OR8G5: variants seen among roughly 807,000 people sequenced by gnomAD.
OR8G5 encodes the protein olfactory receptor 8G5.
For synonymous variants in OR8G5, 147 were observed against 147.7 expected (o/e 1.00, Z 0.03); for missense variants, 347 against 371.9 (o/e 0.93, Z 0.55).
At chr11:124,258,842 A>G (rs1363086126) in intron 1 of OR8G5, among the ~76,000 whole-genome samples, 1 of 152,124 alleles carries the variant, frequency 6.6e-6, no homozygotes, top group Non-Finnish European at 1.5e-5. Context: ...TCCATGGCAC[A>G]TGAGTTGGGA....
intron 1 of OR8G5, among the ~76,000 whole-genome samples, chr11:124,263,939 T>C (rs1417004876): frequency 6.6e-6 from 1 of 152,186 alleles, no homozygotes; most frequent in Non-Finnish European, 1.5e-5. Context: ...TTTAATTGTG[T>C]GTCTCTACTT....
At chr11:124,256,961 T>C (rs1313147976) in intron 1 of OR8G5, among the ~76,000 whole-genome samples, 2 of 152,152 alleles carry the variant, frequency 1.3e-5, no homozygotes, top group Non-Finnish European at 2.9e-5. Flanking sequence ...ATTATTATAG[T>C]TTTGAATGAG....
Position 124,264,898 on chromosome 11 carries a change from G to GT in OR8G5, c.-14-14dup. ...ACAATACAATTCACCTAAATACCAT[G>GT]TTTTTTCTCTCCCCTGCAGAAACTC... On this transcript the variant is annotated intron_variant, in intron 1 of 1. Coordinates refer to ENST00000641992, the MANE Select transcript of OR8G5 (RefSeq NM_001005198.2). 4.3e-6 allele frequency: 7 copies of GT among 1,611,778 alleles called. No homozygotes were observed. The highest frequency in any genetic ancestry group is 5.9e-6 in the Non-Finnish European group (7 of 1,178,246).
In OR8G5 at chr11:124,265,256, A is replaced by C. The variant is rs1052534424; in HGVS notation, c.325A>C (p.Ile109Leu). Residue 109 changes from isoleucine (I) to leucine (L), a missense_variant, in exon 2 of 2, where the codon ATT becomes CTT. Physicochemically the swap from Ile to Leu is conservative, Grantham distance 5. Coordinates refer to ENST00000641992, the MANE Select transcript of OR8G5 (RefSeq NM_001005198.2). ...TQLYFFLVFA[I>L]AECHMLAAMA... ...GCTCTACTTCTTCCTCGTTTTTGCT[A>C]TTGCAGAGTGTCACATGTTGGCTGC... 2 of 1,613,862 alleles carry C rather than the reference A, an allele frequency of 1.2e-6. No homozygotes were observed. The highest frequency in any genetic ancestry group is 4.5e-5 in the East Asian group (2 of 44,882).
chr11:124,264,847 G>A (rs2466637), intron 1 of OR8G5, 71 bp from the exon 2 acceptor site: 809,032 of 1,573,374 alleles, frequency 0.51, 212,768 homozygotes, highest in East Asian at 0.56. Flanking sequence ...ATAAACAAGG[G>A]ATCACTTTCC....
chr11:124,264,656 C>T (rs2466636), intron 1 of OR8G5: 245,495 of 491,336 alleles, frequency 0.5, 63,590 homozygotes, highest in East Asian at 0.55. Context: ...CTTAAAAATA[C>T]TGACTTGAAG....
At chr11:124,264,143 AG>A (rs1176104456) in intron 1 of OR8G5, among the ~76,000 whole-genome samples, 1 of 113,468 alleles carries the variant, frequency 8.8e-6, no homozygotes, top group Non-Finnish European at 2.1e-5. Flanking sequence ...TATTATTAAT[AG>A]GTTAATAATG....
intron 1 of OR8G5, among the ~76,000 whole-genome samples, chr11:124,258,813 C>G (rs1326610914): frequency 6.6e-6 from 1 of 152,054 alleles, no homozygotes; most frequent in Non-Finnish European, 1.5e-5. Context: ...ACTTCAGCAC[C>G]ATTGTAACAC....
chr11:124,257,542 G>A (rs1861925719), intron 1 of OR8G5, among the ~76,000 whole-genome samples: 1 of 152,078 alleles, frequency 6.6e-6, no homozygotes, highest in Non-Finnish European at 1.5e-5. Flanking sequence ...GACAAGTTAT[G>A]GAAGGTGAGG....
intron 1 of OR8G5, among the ~76,000 whole-genome samples, chr11:124,262,567 C>A (rs1861982157): frequency 6.6e-6 from 1 of 151,900 alleles, no homozygotes; most frequent in Admixed American, 6.6e-5. Flanking sequence ...GGTGGAAAAT[C>A]TATTGCAAAG....
chr11:124,265,788 A>T lies in OR8G5; in HGVS notation c.857A>T (p.Asn286Ile). ...TATACTATTGTTGTGCCCATGCTGA[A>T]CCCCCTGATCTACAGCCTGAGGAAT... Reference protein sequence around the residue: ...VFYTIVVPMLNPLIYSLRNKD... With the variant: ...VFYTIVVPMLIPLIYSLRNKD... Residue 286 changes from asparagine to isoleucine, a missense_variant, in exon 2 of 2, where the codon AAC becomes ATC. Transcript: ENST00000641992. The T allele has an allele frequency of 6.2e-7, 1 of 1,614,058 alleles. No individual in the cohort carries two copies. Among genetic ancestry groups the T allele is most frequent in the Non-Finnish European group, 8.5e-7 (1 of 1,179,988 alleles).
chr11:124,261,720 C>T (rs1483921969), intron 1 of OR8G5, among the ~76,000 whole-genome samples: 1 of 151,816 alleles, frequency 6.6e-6, no homozygotes, highest in African/African-American at 2.4e-5. Context: ...ACCTCAATAT[C>T]AGGCAATGTA....
chr11:124,265,766 A>G lies in OR8G5; in HGVS notation c.835A>G (p.Thr279Ala), dbSNP rs2512166. 0.14 allele frequency: 228,439 copies of G among 1,614,018 alleles called. 16,955 individuals are homozygous for G. The highest frequency in any genetic ancestry group is 0.15 in the Non-Finnish European group (182,493 of 1,179,962). The change falls in exon 2 of 2, where the codon ACT (threonine) becomes GCT (alanine). Residue 279 changes from threonine (T) to alanine (A), a missense_variant. Physicochemically the swap from Thr to Ala is moderately conservative, Grantham distance 58. Transcript: ENST00000641992. Reference sequence around the variant, plus strand: ...GGGGAAAGTGTCCTCTGTGTTTTATACTATTGTTGTGCCCATGCTGAACCC... The same window carrying G: ...GGGGAAAGTGTCCTCTGTGTTTTATGCTATTGTTGTGCCCATGCTGAACCC... ...DQGKVSSVFY[T>A]IVVPMLNPLI...
At chr11:124,260,394 A>G (rs1861958076) in intron 1 of OR8G5, among the ~76,000 whole-genome samples, 1 of 151,968 alleles carries the variant, frequency 6.6e-6, no homozygotes. Flanking sequence ...ATCAGAAAAA[A>G]ATAACTAATA....
At chr11:124,260,249 C>T (rs569792338) in intron 1 of OR8G5, among the ~76,000 whole-genome samples, 3 of 151,962 alleles carry the variant, frequency 2.0e-5, no homozygotes, top group African/African-American at 7.2e-5. Context: ...TAAAAAGGAA[C>T]AAAATAATGA....
At chr11:124,256,895 TG>T (rs1229748194) in intron 1 of OR8G5, among the ~76,000 whole-genome samples, 7 of 152,334 alleles carry the variant, frequency 4.6e-5, no homozygotes, top group African/African-American at 1.7e-4. Context: ...TAGAATTTTC[TG>T]AGCATGCAGT....
At chr11:124,256,822 G>T (rs1425820024) in intron 1 of OR8G5, among the ~76,000 whole-genome samples, 188 bp downstream of exon 1, 1 of 152,162 alleles carries the variant, frequency 6.6e-6, no homozygotes, top group African/African-American at 2.4e-5. Context: ...ACAGAAGAGA[G>T]GATGTCTGAT....
In OR8G5 at chr11:124,265,096, G is replaced by A. The variant is rs1196468622; in HGVS notation, c.165G>A (p.Leu55=). 1 of 1,614,010 alleles carries A rather than the reference G, an allele frequency of 6.2e-7. No homozygotes were observed. The highest frequency in any genetic ancestry group is 8.5e-7 in the Non-Finnish European group (1 of 1,180,032). Residue 55 remains leucine (L), a synonymous_variant, in exon 2 of 2, where the codon CTG becomes CTA. Coordinates refer to ENST00000641992, the MANE Select transcript of OR8G5 (RefSeq NM_001005198.2). ...MITLIGLSSH[L]HTPMYCFLSS... is the part of the protein sequence containing the mutation. ...CACTGATTGGGCTCAGTTCTCACCT[G>A]CACACACCTATGTACTGTTTCCTCA... is the stretch of plus-strand genomic sequence containing the variant.
chr11:124,265,865 T>C lies in OR8G5; in HGVS notation c.934T>C (p.Ter312ArgextTer5), dbSNP rs1862025620. The C allele has an allele frequency of 1.2e-6, 2 of 1,604,976 alleles. No individual in the cohort carries two copies. Among genetic ancestry groups the C allele is most frequent in the African/African-American group, 1.3e-5 (1 of 74,592 alleles). Residue 312 changes from the stop codon to arginine (R), a stop_lost, in exon 2 of 2, where the codon TGA becomes CGA. Transcript: ENST00000641992. ...AACGCTAGGGAAAAGAACATTCTTATGAACAGAAGTACAATGAAAAAGATT... is the reference window on the plus strand; with the variant it reads ...AACGCTAGGGAAAAGAACATTCTTACGAACAGAAGTACAATGAAAAAGATT... The part of the protein sequence containing the change: ...KKTLGKRTFL[*>R]
Sources: allele counts gnomAD v4.1 joint callset (sites outside exome capture counted in the v4.1 genomes callset), GRCh38; gene constraint gnomAD v4.1.1; transcripts MANE v1.5; gene names NCBI Gene and HGNC (gene_info 2026-07-23, HGNC 2026-07-21).